The following SLC24A2 variants were observed in gnomAD, a reference collection of about 807,000 sequenced individuals.
SLC24A2 encodes sodium/potassium/calcium exchanger 2.
In SLC24A2, 36 loss-of-function variants were observed where a neutral mutation model predicts 62.0. That is an observed-to-expected ratio of 0.58 (90% CI 0.44 to 0.77). The LOEUF is 0.77. SLC24A2 is among the 30% of genes least tolerant of loss of function. The probability of loss-of-function intolerance (pLI) is 0.00; values close to 1 mark genes in which losing one functional copy is unlikely to be tolerated. For missense variants in SLC24A2, 846 were observed against 817.9 expected, an observed-to-expected ratio of 1.03 and a Z score of -0.42; for synonymous variants, 358 against 294.0, an observed-to-expected ratio of 1.22 and a Z score of -2.23.
chr9:19,845,144 G>A, the SLC24A2 span, among the ~76,000 whole-genome samples: 2 of 152,208 alleles, frequency 1.3e-5, no homozygotes, highest in Non-Finnish European at 2.9e-5. Context: ...TCCAATCCAC[G>A]AGCATGGAAC....
At chr9:19,976,970 C>T in the SLC24A2 span, among the ~76,000 whole-genome samples, 1 of 152,046 alleles carries the variant, frequency 6.6e-6, no homozygotes, top group Non-Finnish European at 1.5e-5. Flanking sequence ...TTAAAAAGTG[C>T]AATAAAGATC....
chr9:19,753,591 G>C (rs886698529), intron 2 of SLC24A2, among the ~76,000 whole-genome samples: 1 of 152,112 alleles, frequency 6.6e-6, no homozygotes, highest in Non-Finnish European at 1.5e-5. Flanking sequence ...ATTACTGTGA[G>C]CAGTAGTATC....
intron 8 of SLC24A2, among the ~76,000 whole-genome samples, chr9:19,546,629 G>C (rs1244592242): frequency 6.6e-6 from 1 of 152,134 alleles, no homozygotes; most frequent in African/African-American, 2.4e-5. Context: ...GACTCCGTGG[G>C]GGTTGGACCC....
the SLC24A2 span, among the ~76,000 whole-genome samples, chr9:20,104,622 T>G: frequency 1.3e-5 from 2 of 151,992 alleles, no homozygotes; most frequent in Non-Finnish European, 1.5e-5. Context: ...GAAGGAGAAA[T>G]AAAATACTTT....
At chr9:19,844,667 T>C in the SLC24A2 span, among the ~76,000 whole-genome samples, 1 of 152,176 alleles carries the variant, frequency 6.6e-6, no homozygotes, top group Non-Finnish European at 1.5e-5. Context: ...CATTTAAATA[T>C]TTAATCCATC....
chr9:20,080,385 C>T, the SLC24A2 span, among the ~76,000 whole-genome samples: 1 of 152,192 alleles, frequency 6.6e-6, no homozygotes, highest in Non-Finnish European at 1.5e-5. Context: ...GAAAGGATTC[C>T]TTATTTAATA....
chr9:19,998,942 A>G, the SLC24A2 span, among the ~76,000 whole-genome samples: 20 of 152,248 alleles, frequency 1.3e-4, no homozygotes, highest in Admixed American at 4.6e-4. Context: ...TCAGACCAGC[A>G]GAAGCCAGAA....
the SLC24A2 span, among the ~76,000 whole-genome samples, chr9:19,819,046 T>C: frequency 2.8e-3 from 275 of 97,744 alleles, 1 homozygote; most frequent in Middle Eastern, 6.6e-3. Flanking sequence ...TAAACCCAGA[T>C]ACTTACAGCC....
intron 2 of SLC24A2, among the ~76,000 whole-genome samples, chr9:19,701,977 G>C (rs190234577): frequency 1.9e-3 from 287 of 152,154 alleles, no homozygotes; most frequent in African/African-American, 5.5e-3. Context: ...AAAGTTACAA[G>C]GTACATAGAG....
intron 7 of SLC24A2, 147 bp from the exon 8 acceptor site, chr9:19,550,415 AT>A: frequency 1.3e-6 from 1 of 768,640 alleles, no homozygotes; most frequent in South Asian, 1.6e-5. Context: ...TGATTTTGAG[AT>A]TTGTCACAGT....
At chr9:19,841,235 C>A in the SLC24A2 span, among the ~76,000 whole-genome samples, 1 of 152,004 alleles carries the variant, frequency 6.6e-6, no homozygotes, top group African/African-American at 2.4e-5. Flanking sequence ...ATAAGTAAGA[C>A]AGATATAACA....
the SLC24A2 span, among the ~76,000 whole-genome samples, chr9:20,007,888 T>C: frequency 2.2e-5 from 2 of 90,142 alleles, no homozygotes; most frequent in Non-Finnish European, 4.4e-5. Context: ...TCTTTTTTTT[T>C]TTTTTTTTTT....
the SLC24A2 span, among the ~76,000 whole-genome samples, chr9:20,262,710 A>T: frequency 6.6e-6 from 1 of 152,208 alleles, no homozygotes; most frequent in African/African-American, 2.4e-5. Context: ...GAATTTGTTT[A>T]GAATCTGCCA....
intron 2 of SLC24A2, among the ~76,000 whole-genome samples, chr9:19,683,344 G>T (rs774019998): frequency 7.2e-5 from 11 of 152,096 alleles, no homozygotes; most frequent in Non-Finnish European, 1.6e-4. Context: ...AGGAACTATT[G>T]CCTCAGCATA....
At chr9:20,083,330 CTGACCAAA>C in the SLC24A2 span, among the ~76,000 whole-genome samples, 1,078 of 152,334 alleles carry the variant, frequency 7.1e-3, 13 homozygotes, top group Non-Finnish European at 8.9e-3. Context: ...CACCTTACAA[CTGACCAAA>C]TGAGCAAATG....
At chr9:19,841,447 C>G in the SLC24A2 span, among the ~76,000 whole-genome samples, 85 of 152,206 alleles carry the variant, frequency 5.6e-4, no homozygotes, top group Middle Eastern at 0.017. Context: ...CAGACACATA[C>G]CTGGTCTTTT....
At chr9:19,717,426 G>A (rs759735142) in intron 2 of SLC24A2, among the ~76,000 whole-genome samples, 11 of 152,096 alleles carry the variant, frequency 7.2e-5, no homozygotes, top group Admixed American at 1.3e-4. Flanking sequence ...TTGATTAACC[G>A]AGAATTACCA....
At chr9:19,645,578 T>C (rs2118113517) in intron 2 of SLC24A2, among the ~76,000 whole-genome samples, 1 of 152,194 alleles carries the variant, frequency 6.6e-6, no homozygotes, top group East Asian at 1.9e-4. Context: ...GGGCTTAGGA[T>C]AGGGGTGGGA....
the SLC24A2 span, among the ~76,000 whole-genome samples, chr9:19,828,215 A>C: frequency 1.2e-4 from 19 of 152,210 alleles, no homozygotes; most frequent in Admixed American, 3.9e-4. Flanking sequence ...TCTAGTATTC[A>C]GTAGCACAAC....
Sources: allele counts gnomAD v4.1 joint callset (sites outside exome capture counted in the v4.1 genomes callset), GRCh38; gene constraint gnomAD v4.1.1; transcripts MANE v1.5; gene names NCBI Gene and HGNC (gene_info 2026-07-23, HGNC 2026-07-21).